CHIC1: variants seen among roughly 807,000 people sequenced by gnomAD.
The protein encoded by CHIC1 is cysteine-rich hydrophobic domain-containing protein 1.
CHIC1 carries 7 observed loss-of-function variants against 18.5 expected under a neutral mutation model. That is an observed-to-expected ratio of 0.38 (90% confidence interval 0.22 to 0.71). CHIC1 has a LOEUF of 0.71. CHIC1 is among the 30% of genes least tolerant of loss of function. CHIC1 has a pLI of 0.49. For missense variants in CHIC1, 159 were observed against 176.9 expected, an observed-to-expected ratio of 0.90 and a Z score of 0.57; for synonymous variants, 77 against 73.5, an observed-to-expected ratio of 1.05 and a Z score of -0.25.
chrX:73,618,829 C>T (rs1039383300), intron 3 of CHIC1, among the ~76,000 whole-genome samples: 1 of 112,446 alleles, frequency 8.9e-6, no homozygotes, highest in Non-Finnish European at 1.9e-5. Context: ...CACACTAGGT[C>T]GATTTTCTTT....
chrX:73,680,291 A>G (rs2058092047), intron 5 of CHIC1, among the ~76,000 whole-genome samples: 1 of 111,146 alleles, frequency 9.0e-6, no homozygotes, highest in Non-Finnish European at 1.9e-5. Flanking sequence ...TACATATTTA[A>G]TAATAAACAT....
intron 1 of CHIC1, among the ~76,000 whole-genome samples, chrX:73,573,545 A>G (rs141242635): frequency 8.1e-5 from 9 of 111,326 alleles, no homozygotes; most frequent in South Asian, 3.7e-4. Context: ...GATTCTTCCA[A>G]TCCGTAAGCG....
chrX:73,681,741 G>A lies in CHIC1; in HGVS notation c.*736G>A, dbSNP rs2058100194. On this transcript the variant is annotated 3_prime_UTR_variant, in exon 6 of 6. Coordinates refer to ENST00000373502, the MANE Select transcript of CHIC1 (RefSeq NM_001039840.4). ...TTTATGGCAAGGCCATAATGAGTAT[G>A]TTAAGAATTTCAGGTGTAGGGCAAG... The A allele has an allele frequency of 8.9e-6, 1 of 112,580 alleles. No homozygotes were observed. The highest frequency in any genetic ancestry group is 1.9e-5 in the Non-Finnish European group (1 of 52,992). 9.3% of individuals were successfully genotyped at this position (112,580 alleles called of 1,213,427 possible). A position where few individuals can be genotyped will look rare whatever the true frequency, so the allele number is the denominator to read the frequency against.
intron 3 of CHIC1, among the ~76,000 whole-genome samples, chrX:73,598,873 T>C (rs1330924981): frequency 9.2e-6 from 1 of 108,995 alleles, no homozygotes; most frequent in African/African-American, 3.3e-5. Context: ...GGTCAAATGG[T>C]ATTTCTAGTT....
In CHIC1 at chrX:73,584,408, C is replaced by T. The variant is rs775586589; in HGVS notation, c.352-9C>T. 9.3e-6 allele frequency: 11 copies of T among 1,183,125 alleles called. No individual in the cohort carries two copies. The South Asian group carries it at 2.1e-4, about 22-fold the overall frequency. On this transcript the variant is annotated splice_polypyrimidine_tract_variant and intron_variant, in intron 2 of 5. Transcript: ENST00000373502. ...CCCACAAACTGTTAAAGATTGTACC[C>T]TCTTGTAGGTGGCCCCAGAAGAATT...
intron 3 of CHIC1, among the ~76,000 whole-genome samples, chrX:73,673,628 T>G (rs1391006090): frequency 8.9e-6 from 1 of 112,148 alleles, no homozygotes; most frequent in Non-Finnish European, 1.9e-5. Context: ...AAGTTGCTTA[T>G]CAGCTTGAGG....
At chrX:73,660,157 A>G (rs59548312) in intron 3 of CHIC1, among the ~76,000 whole-genome samples, 4 of 112,461 alleles carry the variant, frequency 3.6e-5, no homozygotes, top group Non-Finnish European at 7.5e-5. Flanking sequence ...GCTACCTGCA[A>G]CTAAGACTGT....
intron 3 of CHIC1, among the ~76,000 whole-genome samples, chrX:73,585,457 G>A (rs2057548201): frequency 9.0e-6 from 1 of 111,169 alleles, no homozygotes; most frequent in Non-Finnish European, 1.9e-5. Flanking sequence ...GTAGGTCAGA[G>A]CTTCACTTTA....
chrX:73,616,016 G>T (rs1038346577), intron 3 of CHIC1, among the ~76,000 whole-genome samples: 2 of 110,806 alleles, frequency 1.8e-5, no homozygotes, highest in African/African-American at 3.3e-5. Flanking sequence ...AGTCACAGAG[G>T]TATTGCAGGT....
chrX:73,656,028 A>G (rs1461390310), intron 3 of CHIC1, among the ~76,000 whole-genome samples: 1 of 1,258 alleles, frequency 7.9e-4, no homozygotes, highest in East Asian at 0.14. Context: ...ATCGTATCTC[A>G]TTGTATTTTG....
At chrX:73,646,234 C>T (rs1347637057) in intron 3 of CHIC1, among the ~76,000 whole-genome samples, 1 of 111,726 alleles carries the variant, frequency 9.0e-6, no homozygotes, top group Non-Finnish European at 1.9e-5. Flanking sequence ...TTTCTGGGCA[C>T]TCTATCCTGT....
chrX:73,580,223 A>T (rs762558669), intron 2 of CHIC1, among the ~76,000 whole-genome samples: 1 of 110,914 alleles, frequency 9.0e-6, no homozygotes, highest in Non-Finnish European at 1.9e-5. Flanking sequence ...TTTAAACTAG[A>T]GGAGTAAGAA....
intron 3 of CHIC1, among the ~76,000 whole-genome samples, chrX:73,592,135 T>TA (rs1400398053): frequency 9.0e-6 from 1 of 111,093 alleles, no homozygotes; most frequent in Admixed American, 9.6e-5. Context: ...TATAAAATAA[T>TA]ACCAACAGCA....
intron 3 of CHIC1, among the ~76,000 whole-genome samples, chrX:73,679,083 T>C (rs1258787392): frequency 8.9e-6 from 1 of 112,094 alleles, no homozygotes. Context: ...CATATTTCAT[T>C]TTAGAAAGCA....
intron 3 of CHIC1, among the ~76,000 whole-genome samples, chrX:73,606,732 G>T (rs1030561897): frequency 9.2e-6 from 1 of 108,713 alleles, no homozygotes; most frequent in Non-Finnish European, 1.9e-5. Flanking sequence ...CCTTCTAAAA[G>T]GGCCCTCTGC....
intron 3 of CHIC1, among the ~76,000 whole-genome samples, chrX:73,670,572 G>A (rs2058025227): frequency 1.8e-5 from 2 of 109,020 alleles, no homozygotes; most frequent in South Asian, 3.9e-4. Context: ...TCCTTGAGGT[G>A]CATCATTATA....
At position 73,675,530 on chromosome X, in the gene CHIC1, T is replaced by G. The variant is rs777450840; in HGVS notation, c.508-3796T>G. ...TGATCTTTGTTGGTTTAAAGTCTGT[T>G]TTATCAGAGACTAGGATTGCAAACC... On this transcript the variant is annotated intron_variant, in intron 3 of 5. Coordinates refer to ENST00000373502, the MANE Select transcript of CHIC1 (RefSeq NM_001039840.4). 1.4e-3 allele frequency among the ~76,000 whole-genome samples: 153 copies of G among 111,861 alleles called. 1 individual carries two copies. The East Asian group carries it at 0.034, about 25-fold the overall frequency.
At chrX:73,601,657 A>G (rs1236130941) in intron 3 of CHIC1, among the ~76,000 whole-genome samples, 1 of 102,709 alleles carries the variant, frequency 9.7e-6, no homozygotes, top group Non-Finnish European at 1.9e-5. Flanking sequence ...AGAACTAGAA[A>G]AGCAAGAGCA....
At chrX:73,671,982 A>C (rs2147625662) in intron 3 of CHIC1, among the ~76,000 whole-genome samples, 2 of 110,268 alleles carry the variant, frequency 1.8e-5, no homozygotes, top group East Asian at 5.8e-4. Context: ...ATGTGTTCTC[A>C]TTGTTCAGTT....
Sources: allele counts gnomAD v4.1 joint callset (sites outside exome capture counted in the v4.1 genomes callset), GRCh38; gene constraint gnomAD v4.1.1; transcripts MANE v1.5; gene names NCBI Gene and HGNC (gene_info 2026-07-23, HGNC 2026-07-21).